The following BMP5 variants were observed in gnomAD, a reference collection of about 807,000 sequenced individuals.
BMP5 encodes bone morphogenetic protein 5.
A neutral mutation model predicts 46.6 loss-of-function variants in BMP5; 23 were observed. The observed-to-expected ratio is 0.49, with a 90% confidence interval of 0.35 to 0.70. The LOEUF is 0.70. BMP5 is among the 30% of genes least tolerant of loss of function. The pLI is 0.00. For missense variants in BMP5, 545 were observed against 565.6 expected (o/e 0.96, Z 0.37); for synonymous variants, 204 against 191.9 (o/e 1.06, Z -0.52).
At chr6:55,761,623 C>T (rs558766804) in intron 4 of BMP5, among the ~76,000 whole-genome samples, 1 of 152,182 alleles carries the variant, frequency 6.6e-6, no homozygotes, top group African/African-American at 2.4e-5. Flanking sequence ...AGCTACATGG[C>T]TAATTCCTGC....
intron 3 of BMP5, among the ~76,000 whole-genome samples, chr6:55,782,445 A>T (rs901945102): frequency 3.9e-5 from 6 of 152,100 alleles, no homozygotes; most frequent in Non-Finnish European, 8.8e-5. Flanking sequence ...CACATAAGGG[A>T]CGAGTTACAA....
At chr6:55,817,748 A>G (rs1375311890) in intron 2 of BMP5, among the ~76,000 whole-genome samples, 2 of 152,020 alleles carry the variant, frequency 1.3e-5, no homozygotes, top group Non-Finnish European at 2.9e-5. Flanking sequence ...CTTAAAGTAT[A>G]ATAATAATAA....
chr6:55,809,476 G>T (rs1012482020), intron 2 of BMP5, among the ~76,000 whole-genome samples: 1 of 151,924 alleles, frequency 6.6e-6, no homozygotes, highest in Non-Finnish European at 1.5e-5. Context: ...AGAAAAAAAT[G>T]GGTTGAAAAC....
At chr6:55,853,046 C>T (rs1377845299) in intron 1 of BMP5, among the ~76,000 whole-genome samples, 1 of 151,762 alleles carries the variant, frequency 6.6e-6, no homozygotes, top group Non-Finnish European at 1.5e-5. Context: ...AGGAGAATCA[C>T]TTGAAACTGG....
At chr6:55,832,575 A>G (rs1046840933) in intron 1 of BMP5, among the ~76,000 whole-genome samples, 2 of 152,182 alleles carry the variant, frequency 1.3e-5, no homozygotes, top group African/African-American at 4.8e-5. Flanking sequence ...CTTATATGTG[A>G]AATATATTTG....
At chr6:55,779,809 T>C (rs1002874466) in intron 3 of BMP5, among the ~76,000 whole-genome samples, 1 of 152,042 alleles carries the variant, frequency 6.6e-6, no homozygotes, top group Admixed American at 6.6e-5. Context: ...ACTTGAAGTA[T>C]CACAAACAGA....
At position 55,874,698 on chromosome 6, in the gene BMP5, G is replaced by C. The variant is rs114266183; in HGVS notation, c.168C>G (p.Leu56=). Residue 56 remains leucine, a synonymous_variant, in exon 1 of 7, where the codon CTC becomes CTG. Transcript: ENST00000370830. ...HERREIQREI[L]SILGLPHRPR... is the part of the protein sequence containing the mutation. ...GTCTGTGAGGCAAACCCAAGATAGA[G>C]AGAATTTCCCTTTGTATTTCCCGTC... The C allele has an allele frequency of 1.6e-4, 251 of 1,613,558 alleles. 1 individual carries two copies. In the African/African-American group the frequency reaches 2.3e-3, roughly 15 times the overall value.
intron 2 of BMP5, among the ~76,000 whole-genome samples, chr6:55,799,121 C>T (rs1227327300): frequency 6.6e-6 from 1 of 152,086 alleles, no homozygotes; most frequent in East Asian, 1.9e-4. Flanking sequence ...ATTCCTCAAC[C>T]TCAATTTCCC....
In BMP5 at chr6:55,856,464, G is replaced by A. The variant is rs141153079; in HGVS notation, c.490+17912C>T. On this transcript the variant is annotated intron_variant, in intron 1 of 6. Coordinates refer to ENST00000370830, the MANE Select transcript of BMP5 (RefSeq NM_021073.4). ...CAAAAAATTGTAAGATATTTTCTAC[G>A]TGGTTGTATTATTTTGCATACCTAC... Among the ~76,000 whole-genome samples, 272 of 152,244 alleles carry A rather than the reference G, an allele frequency of 1.8e-3. 2 individuals are homozygous for A. The highest frequency in any genetic ancestry group is 6.2e-3 in the African/African-American group (258 of 41,552).
At chr6:55,855,492 T>C (rs1777371498) in intron 1 of BMP5, among the ~76,000 whole-genome samples, 1 of 152,076 alleles carries the variant, frequency 6.6e-6, no homozygotes, top group South Asian at 2.1e-4. Context: ...ATTTCTCTTT[T>C]TATTTGTTTG....
Position 55,755,598 on chromosome 6 carries a change from C to A in BMP5, c.1300G>T (p.Asp434Tyr). The change falls in exon 7 of 7, where the codon GAC becomes TAC. Residue 434 changes from aspartate (D) to tyrosine (Y), a missense_variant. Physicochemically the swap from Asp to Tyr is radical, Grantham distance 160. Coordinates refer to ENST00000370830, the MANE Select transcript of BMP5 (RefSeq NM_021073.4). ...TTTTTCAAAATGACATTGGAGCTGT[C>A]ATCAAAGTACAGAACAGAGATGGCA... ...LNAISVLYFD[D>Y]SSNVILKKYR... The A allele has an allele frequency of 6.2e-7, 1 of 1,612,170 alleles. No individual in the cohort carries two copies. The highest frequency in any genetic ancestry group is 1.3e-5 in the African/African-American group (1 of 74,890).
intron 1 of BMP5, among the ~76,000 whole-genome samples, chr6:55,862,456 T>C (rs1216125594): frequency 6.6e-6 from 1 of 152,186 alleles, no homozygotes; most frequent in African/African-American, 2.4e-5. Flanking sequence ...CTACATTATG[T>C]TCAATGTATA....
chr6:55,854,335 A>T (rs1305469720), intron 1 of BMP5, among the ~76,000 whole-genome samples: 2 of 152,128 alleles, frequency 1.3e-5, no homozygotes, highest in Non-Finnish European at 2.9e-5. Flanking sequence ...CTTGGAAATG[A>T]AAACTATTTC....
chr6:55,826,661 G>T (rs1034741160), intron 1 of BMP5, among the ~76,000 whole-genome samples: 7 of 150,268 alleles, frequency 4.7e-5, no homozygotes, highest in Non-Finnish European at 7.4e-5. Flanking sequence ...ACCAAGCATT[G>T]GTATGAAAAT....
chr6:55,761,882 G>A (rs547038198), intron 4 of BMP5, among the ~76,000 whole-genome samples: 2 of 152,118 alleles, frequency 1.3e-5, no homozygotes, highest in South Asian at 2.1e-4. Context: ...GCTCACTGAT[G>A]TATCCCTAGT....
chr6:55,804,719 T>C (rs1223514486), intron 2 of BMP5, among the ~76,000 whole-genome samples: 3 of 152,100 alleles, frequency 2.0e-5, no homozygotes, highest in Non-Finnish European at 4.4e-5. Context: ...GTGAATTAAC[T>C]ATGAGAAAGA....
At chr6:55,809,640 AAGAG>A (rs900533438) in intron 2 of BMP5, among the ~76,000 whole-genome samples, 1 of 152,024 alleles carries the variant, frequency 6.6e-6, no homozygotes, top group Non-Finnish European at 1.5e-5. Flanking sequence ...TGGAGAGAGA[AAGAG>A]AGAGAAAAAG....
In BMP5 at chr6:55,804,246, TAAG is replaced by T. The variant is rs1039457919; in HGVS notation, c.684-9822_684-9820del. 6.6e-5 allele frequency among the ~76,000 whole-genome samples: 10 copies of T among 152,184 alleles called. No homozygotes were observed. In the East Asian group the frequency reaches 7.7e-4, roughly 12 times the overall value. On this transcript the variant is annotated intron_variant, in intron 2 of 6. Coordinates refer to ENST00000370830, the MANE Select transcript of BMP5 (RefSeq NM_021073.4). ...TATTTCAATATAACCAGTATCCTTA[TAAG>T]AAGAAGAGGAGAGACACAAAGATAG...
In BMP5 at chr6:55,874,431, G is replaced by C. The variant is rs765722791; in HGVS notation, c.435C>G (p.Leu145=). ...LTTQSPPLAS[L]HDTNFLNDAD... ...CATCATTCAGAAAGTTGGTATCATGGAGGCTGGCTAGAGGAGGACTCTGGG... is the reference window on the plus strand; with the variant it reads ...CATCATTCAGAAAGTTGGTATCATGCAGGCTGGCTAGAGGAGGACTCTGGG... Residue 145 remains leucine, a synonymous_variant, in exon 1 of 7, where the codon CTC becomes CTG. Transcript: ENST00000370830. The C allele has an allele frequency of 6.2e-7, 1 of 1,613,120 alleles. No individual in the cohort carries two copies. Among genetic ancestry groups the C allele is most frequent in the African/African-American group, 1.3e-5 (1 of 74,832 alleles).
Sources: allele counts gnomAD v4.1 joint callset (sites outside exome capture counted in the v4.1 genomes callset), GRCh38; gene constraint gnomAD v4.1.1; transcripts MANE v1.5; gene names NCBI Gene and HGNC (gene_info 2026-07-23, HGNC 2026-07-21).